The following C16orf87 variants were observed in gnomAD, a reference collection of about 807,000 sequenced individuals.
C16orf87 encodes the protein HDAC and MIER1 interacting protein 1, also known as UPF0547 protein C16orf87.
Under a neutral mutation model 21.0 loss-of-function variants are expected in C16orf87, and 13 were observed. That is an observed-to-expected ratio of 0.62 (90% CI 0.40 to 0.98). The LOEUF (loss-of-function observed/expected upper bound fraction) is 0.98, where lower values mean the gene tolerates loss of function less well. Among genes scored for constraint, C16orf87 ranks in the 50% least tolerant of loss-of-function variants. C16orf87 has a pLI of 0.00. For synonymous variants in C16orf87, 49 were observed against 60.2 expected, an observed-to-expected ratio of 0.81 and a Z score of 0.86; for missense variants, 113 against 180.4, an observed-to-expected ratio of 0.63 and a Z score of 2.14.
At chr16:46,808,346 C>A (rs1406329523) in intron 3 of C16orf87, among the ~76,000 whole-genome samples, 2 of 152,188 alleles carry the variant, frequency 1.3e-5, no homozygotes, top group African/African-American at 4.8e-5. Flanking sequence ...AATGGCTATA[C>A]TGGTGAAGCT....
intron 1 of C16orf87, 47 bp downstream of exon 1, chr16:46,831,037 C>T: frequency 2.7e-6 from 4 of 1,497,006 alleles, no homozygotes; most frequent in Non-Finnish European, 3.6e-6. Flanking sequence ...AGACAACGGC[C>T]GCCAAGCCAC....
At chr16:46,830,946 C>T (rs1959834270) in intron 1 of C16orf87, 138 bp downstream of exon 1, 2 of 505,792 alleles carry the variant, frequency 4.0e-6, no homozygotes, top group Admixed American at 4.6e-5. Context: ...CCCGACCGGC[C>T]CCGGATCCCC....
intron 2 of C16orf87, among the ~76,000 whole-genome samples, chr16:46,819,074 G>GTAAC (rs1161859203): frequency 3.9e-5 from 6 of 152,152 alleles, no homozygotes; most frequent in East Asian, 3.8e-4. Context: ...CAAAAACTCT[G>GTAAC]TAACTAACAG....
chr16:46,824,179 G>A (rs1244097053), intron 2 of C16orf87, among the ~76,000 whole-genome samples: 2 of 152,144 alleles, frequency 1.3e-5, no homozygotes, highest in Non-Finnish European at 2.9e-5. Context: ...TGTTACAAGC[G>A]TTATCAGCAT....
chr16:46,824,693 T>C (rs557861080), intron 1 of C16orf87, among the ~76,000 whole-genome samples: 87 of 139,082 alleles, frequency 6.3e-4, no homozygotes, highest in African/African-American at 2.2e-3. Context: ...TGAGACGGAG[T>C]CTCACTCTGT....
rs1967732336 is a variant in C16orf87 at position 46,800,218 on chromosome 16, TAAG to T, written c.*2731_*2733del. 1 of 150,404 alleles carries T rather than the reference TAAG, an allele frequency of 6.6e-6. No homozygotes were observed. Among genetic ancestry groups the T allele is most frequent in the Non-Finnish European group, 1.5e-5 (1 of 67,726 alleles). 9.3% of individuals were successfully genotyped at this position (150,404 alleles called of 1,614,324 possible). On this transcript the variant is annotated 3_prime_UTR_variant, in exon 4 of 4. Transcript: ENST00000285697. Reference sequence around the variant, plus strand: ...TAAGTATTTCTGAAATTTAAAGAAATAAGAATAGACTGGCTAAATTTTCAGGTC... The same window carrying T: ...TAAGTATTTCTGAAATTTAAAGAAATAATAGACTGGCTAAATTTTCAGGTC...
In C16orf87 at chr16:46,825,334, G is replaced by A. The variant is rs114714929; in HGVS notation, c.67-852C>T. On this transcript the variant is annotated intron_variant, in intron 1 of 3. Transcript: ENST00000285697. ...CAAACTGATGACTGGTGATAAAGTG[G>A]GAAGAAGTGAAAATAACTCAGGATT... Among the ~76,000 whole-genome samples, 1,231 of 152,146 alleles carry A rather than the reference G, an allele frequency of 8.1e-3. 23 individuals are homozygous for A. Among genetic ancestry groups the A allele is most frequent in the African/African-American group, 0.028 (1,153 of 41,502 alleles).
rs1967809549 is a variant in C16orf87, at chr16:46,802,630, C to T, written c.*322G>A. 1 of 179,486 alleles carries T rather than the reference C, an allele frequency of 5.6e-6. No individual in the cohort carries two copies. The highest frequency in any genetic ancestry group is 2.4e-5 in the African/African-American group (1 of 42,482). 11.1% of individuals were successfully genotyped at this position (179,486 alleles called of 1,614,324 possible). ...GCATCTTATTACCCTAGTTTTCATACCTACCCCATACCCCATCACTTTTTA... is the reference window on the plus strand; with the variant it reads ...GCATCTTATTACCCTAGTTTTCATATCTACCCCATACCCCATCACTTTTTA... On this transcript the variant is annotated 3_prime_UTR_variant, in exon 4 of 4. Transcript: ENST00000285697.
chr16:46,807,143 A>G (rs1019777177), intron 3 of C16orf87, among the ~76,000 whole-genome samples: 1 of 152,258 alleles, frequency 6.6e-6, no homozygotes, highest in Non-Finnish European at 1.5e-5. Context: ...TACAACAAAG[A>G]TTGGCAAACT....
rs946125524 is a variant in C16orf87 at position 46,799,186 on chromosome 16, G to A, written c.*3766C>T. On this transcript the variant is annotated 3_prime_UTR_variant, in exon 4 of 4. Coordinates refer to ENST00000285697, the MANE Select transcript of C16orf87 (RefSeq NM_001001436.4). The stretch of plus-strand genomic sequence containing the variant: ...CTGGAGAGTCTGCTTTGTATGTTAG[G>A]ATAGTTATTAGTATAGTTGTAATCT... 1 of 152,106 alleles carries A rather than the reference G, an allele frequency of 6.6e-6. No individual in the cohort carries two copies. Among genetic ancestry groups the A allele is most frequent in the Admixed American group, 6.6e-5 (1 of 15,266 alleles). 9.4% of individuals were successfully genotyped at this position (152,106 alleles called of 1,614,324 possible).
At chr16:46,813,044 T>C (rs923196963) in intron 2 of C16orf87, among the ~76,000 whole-genome samples, 2 of 152,184 alleles carry the variant, frequency 1.3e-5, no homozygotes, top group Non-Finnish European at 2.9e-5. Context: ...CCCAGGATTC[T>C]GTCCAGAGCC....
chr16:46,824,293 T>C (rs2143157785), intron 2 of C16orf87, 93 bp downstream of exon 2: 2 of 663,646 alleles, frequency 3.0e-6, no homozygotes, highest in East Asian at 5.9e-5. Context: ...TTTAAACTTT[T>C]AACTTCAACA....
At chr16:46,831,034 G>A (rs772278560) in intron 1 of C16orf87, 50 bp downstream of exon 1, 29 of 1,477,320 alleles carry the variant, frequency 2.0e-5, no homozygotes, top group South Asian at 1.2e-4. Context: ...CACAGACAAC[G>A]GCCGCCAAGC....
chr16:46,803,500 C>T (rs976290344), intron 3 of C16orf87, among the ~76,000 whole-genome samples: 16 of 151,854 alleles, frequency 1.1e-4, no homozygotes, highest in Non-Finnish European at 2.4e-4. Context: ...TTTCCCCTCT[C>T]GATTACAAAT....
At chr16:46,804,128 C>G (rs1373158390) in intron 3 of C16orf87, among the ~76,000 whole-genome samples, 1 of 152,180 alleles carries the variant, frequency 6.6e-6, no homozygotes, top group Non-Finnish European at 1.5e-5. Flanking sequence ...AACCCAATGT[C>G]TTTCCTAGTT....
At chr16:46,810,788 G>C (rs544539889) in intron 2 of C16orf87, among the ~76,000 whole-genome samples, 1 of 152,154 alleles carries the variant, frequency 6.6e-6, no homozygotes, top group East Asian at 1.9e-4. Flanking sequence ...ATCCCAGATT[G>C]CAAGAAAGTT....
intron 2 of C16orf87, among the ~76,000 whole-genome samples, chr16:46,819,422 G>A (rs1377299816): frequency 6.6e-6 from 1 of 151,760 alleles, no homozygotes; most frequent in Non-Finnish European, 1.5e-5. Flanking sequence ...TGATTCTCCT[G>A]CCTCAGCCTC....
chr16:46,808,495 C>T (rs556816636), intron 3 of C16orf87, among the ~76,000 whole-genome samples: 27 of 152,186 alleles, frequency 1.8e-4, no homozygotes, highest in African/African-American at 5.1e-4. Flanking sequence ...TAAGACAGAA[C>T]GTCTGAAAAG....
At position 46,801,023 on chromosome 16, in the gene C16orf87, G is replaced by A. The variant is rs902313476; in HGVS notation, c.*1929C>T. 6.6e-6 allele frequency: 1 copy of A among 152,154 alleles called. No homozygotes were observed. The highest frequency in any genetic ancestry group is 1.9e-4 in the East Asian group (1 of 5,196). 9.4% of individuals were successfully genotyped at this position (152,154 alleles called of 1,614,324 possible). The stretch of plus-strand genomic sequence containing the variant: ...CTTCAGCTTTAAATGGATAGACTCT[G>A]ACATCGATAATTCCTTAAAGACGTG... On this transcript the variant is annotated 3_prime_UTR_variant, in exon 4 of 4. Coordinates refer to ENST00000285697, the MANE Select transcript of C16orf87 (RefSeq NM_001001436.4).
Sources: allele counts gnomAD v4.1 joint callset (sites outside exome capture counted in the v4.1 genomes callset), GRCh38; gene constraint gnomAD v4.1.1; transcripts MANE v1.5; gene names NCBI Gene and HGNC (gene_info 2026-07-23, HGNC 2026-07-21).